CARS2: variants seen among roughly 807,000 people sequenced by gnomAD.
CARS2 encodes the protein probable cysteine--tRNA ligase, mitochondrial.
CARS2 carries 52 observed loss-of-function variants against 68.8 expected under a neutral mutation model. The ratio of observed to expected loss-of-function variants is 0.76; its 90% CI spans 0.61 to 0.95. The LOEUF (loss-of-function observed/expected upper bound fraction) is 0.95. Ranked by LOEUF, CARS2 falls within the 40% of genes least tolerant of loss-of-function variation. CARS2 has a pLI of 0.00. For synonymous variants in CARS2, 314 were observed against 303.6 expected, an observed-to-expected ratio of 1.03 and a Z score of -0.36; for missense variants, 780 against 754.2, an observed-to-expected ratio of 1.03 and a Z score of -0.40.
intron 5 of CARS2, among the ~76,000 whole-genome samples, chr13:110,686,893 G>A (rs1388303824): frequency 2.0e-5 from 3 of 148,716 alleles, no homozygotes; most frequent in South Asian, 4.3e-4. Flanking sequence ...GGGAGGGTGG[G>A]TGGACGGAGT....
At chr13:110,710,762 C>T (rs1011996017), upstream of CARS2, among the ~76,000 whole-genome samples, 6 of 152,140 alleles carry the variant, frequency 3.9e-5, no homozygotes, top group Admixed American at 2.6e-4. Flanking sequence ...ATGTAAAGCT[C>T]CAAAAAACTT....
intron 2 of CARS2, among the ~76,000 whole-genome samples, chr13:110,703,127 T>C (rs886851299): frequency 6.6e-6 from 1 of 152,076 alleles, no homozygotes; most frequent in African/African-American, 2.4e-5. Context: ...CCAAACAGGG[T>C]TTCCATCCCT....
At position 110,712,449 on chromosome 13, in the gene CARS2, C is replaced by T. The variant is rs530680205; in HGVS notation, n.399+688G>A. 2.7e-3 allele frequency: 514 copies of T among 191,178 alleles called. 2 individuals carry two copies. Among genetic ancestry groups the T allele is most frequent in the African/African-American group, 0.012 (498 of 41,696 alleles). 11.8% of individuals were successfully genotyped at this position (191,178 alleles called of 1,614,324 possible). ...AGCGGGGCGGAGGCCGAAGCCGAGGCCGCCCCGGAACCAGAGAGCCAGGCG... is the reference window on the plus strand; with the variant it reads ...AGCGGGGCGGAGGCCGAAGCCGAGGTCGCCCCGGAACCAGAGAGCCAGGCG... On this transcript the variant is annotated intron_variant and non_coding_transcript_variant, in intron 1 of 2. Coordinates refer to the CARS2 transcript ENST00000485188.
At chr13:110,692,795 C>A (rs2063509058) in intron 3 of CARS2, among the ~76,000 whole-genome samples, 1 of 151,826 alleles carries the variant, frequency 6.6e-6, no homozygotes, top group African/African-American at 2.4e-5. Flanking sequence ...GCTTGGGCAA[C>A]AGCGTGAAAC....
intron 6 of CARS2, among the ~76,000 whole-genome samples, chr13:110,681,561 C>G (rs953870580): frequency 2.0e-5 from 3 of 152,192 alleles, no homozygotes; most frequent in African/African-American, 7.2e-5. Flanking sequence ...ACAAATAAGC[C>G]TCTTCCCAGA....
intron 3 of CARS2, 35 bp from the exon 4 acceptor site, chr13:110,688,053 T>C (rs916348848): frequency 6.8e-7 from 1 of 1,478,870 alleles, no homozygotes; most frequent in African/African-American, 1.4e-5. Flanking sequence ...TTAATGAGTC[T>C]GGGGCATTCG....
At chr13:110,690,906 G>T (rs907937553) in intron 3 of CARS2, among the ~76,000 whole-genome samples, 2 of 152,242 alleles carry the variant, frequency 1.3e-5, no homozygotes, top group Non-Finnish European at 2.9e-5. Context: ...GAGTAAATCT[G>T]AACATCTCCC....
At chr13:110,650,367 A>G in intron 10 of CARS2, 1 of 152,254 alleles carries the variant, frequency 6.6e-6, no homozygotes, top group Non-Finnish European at 1.5e-5. Context: ...CAAAGTGTTG[A>G]GATTACAGGT....
upstream of CARS2, among the ~76,000 whole-genome samples, chr13:110,711,404 G>A (rs990359564): frequency 5.3e-5 from 8 of 152,182 alleles, no homozygotes; most frequent in African/African-American, 1.9e-4. Context: ...AGTAGAGACA[G>A]GGTTTCACCA....
Position 110,646,934 on chromosome 13 carries a change from C to T in CARS2, c.1193+167G>A. 3.8e-6 allele frequency: 3 copies of T among 786,148 alleles called. No individual in the cohort carries two copies. In the South Asian group the frequency reaches 6.4e-5, roughly 17 times the overall value. 48.7% of individuals were successfully genotyped at this position (786,148 alleles called of 1,614,324 possible). A position where few individuals can be genotyped will look rare whatever the true frequency, so the allele number is the denominator to read the frequency against. Reference sequence around the variant, plus strand: ...GCCCCTGACCCCACACCTGCACCTCCTGCCCAGCACCCTGTCTCCTGGGGC... The same window carrying T: ...GCCCCTGACCCCACACCTGCACCTCTTGCCCAGCACCCTGTCTCCTGGGGC... On this transcript the variant is annotated intron_variant, in intron 11 of 14. Coordinates refer to ENST00000257347, the MANE Select transcript of CARS2 (RefSeq NM_024537.4).
At chr13:110,664,535 ACACC>A (rs999185513) in intron 8 of CARS2, 10 of 845,824 alleles carry the variant, frequency 1.2e-5, no homozygotes, top group South Asian at 5.4e-5. Context: ...ATAAATAAAT[ACACC>A]AACCAACCAA....
rs1328163225 is a variant in CARS2 at position 110,644,449 on chromosome 13, C to T, written c.1352G>A (p.Gly451Asp). The T allele has an allele frequency of 1.9e-6, 3 of 1,613,974 alleles. No homozygotes were observed. Among genetic ancestry groups the T allele is most frequent in the African/African-American group, 2.7e-5 (2 of 74,930 alleles). ...PEGPRSPAVF[G>D]AIISYFEQFF... is the part of the protein sequence containing the mutation. The stretch of plus-strand genomic sequence containing the variant: ...CTGTTCAAAGTAAGAGATGATGGCA[C>T]CAAACACAGCAGGACTTCTCGGCCC... The change falls in exon 13 of 15, where the codon GGT becomes GAT. Residue 451 changes from glycine (G) to aspartate (D), a missense_variant. Physicochemically the swap from Gly to Asp is moderately conservative, Grantham distance 94. Transcript: ENST00000257347.
At chr13:110,710,061 T>C (rs1269823023), upstream of CARS2, among the ~76,000 whole-genome samples, 1 of 152,184 alleles carries the variant, frequency 6.6e-6, no homozygotes, top group Non-Finnish European at 1.5e-5. Context: ...TTTGCATTTA[T>C]TTTTTAAGCA....
At chr13:110,712,278 A>C (rs2064035710) in intron 1 of CARS2, 1 of 154,156 alleles carries the variant, frequency 6.5e-6, no homozygotes, top group Admixed American at 6.5e-5. Flanking sequence ...GTGAAAACTG[A>C]CAAGGCACCG....
intron 5 of CARS2, among the ~76,000 whole-genome samples, chr13:110,685,120 C>T (rs2063262036): frequency 6.6e-6 from 1 of 152,104 alleles, no homozygotes; most frequent in African/African-American, 2.4e-5. Flanking sequence ...TTTCAAGTTA[C>T]ACGACAGCAA....
chr13:110,643,677 G>A (rs4771702), intron 13 of CARS2: 23,107 of 157,240 alleles, frequency 0.15, 2,062 homozygotes, highest in Admixed American at 0.28. Flanking sequence ...GAATGACAGG[G>A]ATGTTCAGGG....
At chr13:110,700,797 G>C (rs536433579) in intron 3 of CARS2, among the ~76,000 whole-genome samples, 3 of 152,342 alleles carry the variant, frequency 2.0e-5, no homozygotes, top group Admixed American at 1.3e-4. Flanking sequence ...CCTCAGTAAA[G>C]AGAAAGTCAA....
At position 110,642,368 on chromosome 13, in the gene CARS2, C is replaced by T. The variant is rs1214379430; in HGVS notation, c.1570G>A (p.Glu524Lys). 3 of 1,557,904 alleles carry T rather than the reference C, an allele frequency of 1.9e-6. No individual in the cohort carries two copies. The highest frequency in any genetic ancestry group is 1.9e-5 in the Admixed American group (1 of 51,986). The change falls in exon 14 of 15, where the codon GAA becomes AAA. Residue 524 changes from glutamate (E) to lysine (K), a missense_variant. Transcript: ENST00000257347. The part of the protein sequence containing the change: ...QQLLERQPLL[E>K]ACDTLRRGLT... ...CCCCGGCGCAGGGTGTCGCATGCTT[C>T]CAGCAGGGGCTGCCTTTCTAGGAGC... is the stretch of plus-strand genomic sequence containing the variant.
At chr13:110,682,114 G>T (rs952502261) in intron 6 of CARS2, among the ~76,000 whole-genome samples, 2 of 152,036 alleles carry the variant, frequency 1.3e-5, no homozygotes, top group Non-Finnish European at 2.9e-5. Context: ...CTGACAGTGT[G>T]GGGGGCGGTG....
Sources: allele counts gnomAD v4.1 joint callset (sites outside exome capture counted in the v4.1 genomes callset), GRCh38; gene constraint gnomAD v4.1.1; transcripts MANE v1.5; gene names NCBI Gene and HGNC (gene_info 2026-07-23, HGNC 2026-07-21).